ERBB4: variants seen among roughly 807,000 people sequenced by gnomAD.
ERBB4 encodes erb-b2 receptor tyrosine kinase 4.
ERBB4 carries 42 observed loss-of-function variants against 158.0 expected under a neutral mutation model. The ratio of observed to expected loss-of-function variants is 0.27; its 90% CI spans 0.21 to 0.34. ERBB4 has a LOEUF of 0.34. ERBB4 is among the 10% of genes least tolerant of loss of function. ERBB4 has a pLI of 1.00. For missense variants in ERBB4, 1,333 were observed against 1,624.1 expected, an observed-to-expected ratio of 0.82 and a Z score of 3.08; for synonymous variants, 583 against 558.7, an observed-to-expected ratio of 1.04 and a Z score of -0.61.
intron 1 of ERBB4, among the ~76,000 whole-genome samples, chr2:212,437,712 T>C (rs1405694063): frequency 6.6e-6 from 1 of 152,112 alleles, no homozygotes; most frequent in Non-Finnish European, 1.5e-5. Flanking sequence ...CTGTAGTGAC[T>C]TTCTGCCTTG....
In ERBB4 at chr2:211,719,584, G is replaced by A. The variant is rs912836714; in HGVS notation, c.883+2809C>T. Among the ~76,000 whole-genome samples, 7 of 152,118 alleles carry A rather than the reference G, an allele frequency of 4.6e-5. No individual in the cohort carries two copies. The East Asian group carries it at 5.8e-4, about 13-fold the overall frequency. On this transcript the variant is annotated intron_variant, in intron 7 of 27. Transcript: ENST00000342788. ...CAAGAAAGTGTTTTTGGCCAGGTGC[G>A]GTGGGTCACGTCTGTAATCCCAGCA...
chr2:212,441,341 G>A (rs971426425), intron 1 of ERBB4, among the ~76,000 whole-genome samples: 2 of 152,126 alleles, frequency 1.3e-5, no homozygotes, highest in African/African-American at 2.4e-5. Context: ...CCTGCTCTGC[G>A]GGAGGCAATG....
intron 19 of ERBB4, among the ~76,000 whole-genome samples, chr2:211,594,821 T>G (rs976303151): frequency 2.0e-5 from 3 of 151,832 alleles, no homozygotes; most frequent in African/African-American, 7.2e-5. Flanking sequence ...TTTCATTCCC[T>G]AAAGAAGGGC....
At chr2:212,521,312 TA>T (rs1692147477) in intron 1 of ERBB4, among the ~76,000 whole-genome samples, 1 of 151,706 alleles carries the variant, frequency 6.6e-6, no homozygotes, top group African/African-American at 2.4e-5. Flanking sequence ...AAAAACAGAA[TA>T]TGAAGAAAAA....
At chr2:211,692,673 C>T (rs559461410) in intron 12 of ERBB4, among the ~76,000 whole-genome samples, 64 of 152,236 alleles carry the variant, frequency 4.2e-4, no homozygotes, top group Non-Finnish European at 3.4e-4. Context: ...GGTAGTCAAA[C>T]CTCCCTCTAC....
rs540106797 is a variant in ERBB4 at position 212,068,876 on chromosome 2, G to A, written c.234+55876C>T. On this transcript the variant is annotated intron_variant, in intron 2 of 27. Transcript: ENST00000342788. The stretch of plus-strand genomic sequence containing the variant: ...ATAGGGATAGCAATTGGTAAATAAG[G>A]AAGGGAAAGTATCTATACACTTTTT... 2.6e-5 allele frequency among the ~76,000 whole-genome samples: 4 copies of A among 152,154 alleles called. No homozygotes were observed. The South Asian group carries it at 8.3e-4, about 32-fold the overall frequency.
At chr2:211,549,001 G>A (rs2067012549) in intron 20 of ERBB4, among the ~76,000 whole-genome samples, 1 of 151,928 alleles carries the variant, frequency 6.6e-6, no homozygotes, top group Non-Finnish European at 1.5e-5. Context: ...TTTCTTTTGG[G>A]TTCTTTTGGG....
At chr2:211,649,613 A>G (rs976835446) in intron 16 of ERBB4, among the ~76,000 whole-genome samples, 1 of 151,846 alleles carries the variant, frequency 6.6e-6, no homozygotes, top group African/African-American at 2.4e-5. Context: ...TCAACAAGTA[A>G]ATTTTTTATG....
chr2:212,461,663 A>G (rs1324384845), intron 1 of ERBB4, among the ~76,000 whole-genome samples: 1 of 152,156 alleles, frequency 6.6e-6, no homozygotes, highest in African/African-American at 2.4e-5. Flanking sequence ...TTGGGGAGGC[A>G]TAATTGGTTC....
chr2:211,412,903 G>T (rs1238784760), intron 25 of ERBB4, among the ~76,000 whole-genome samples: 1 of 147,080 alleles, frequency 6.8e-6, no homozygotes, highest in East Asian at 2.0e-4. Context: ...GCAATGAGCC[G>T]AGATCGCTCC....
intron 18 of ERBB4, among the ~76,000 whole-genome samples, chr2:211,621,129 A>G (rs191463216): frequency 9.3e-4 from 142 of 152,182 alleles, no homozygotes; most frequent in African/African-American, 2.9e-3. Flanking sequence ...ATAAATACAT[A>G]AATAAAATTA....
chr2:211,870,539 G>T (rs1310891112), intron 3 of ERBB4, among the ~76,000 whole-genome samples: 1 of 152,044 alleles, frequency 6.6e-6, no homozygotes, highest in Non-Finnish European at 1.5e-5. Flanking sequence ...GTTACTATAA[G>T]ATCAAAATTC....
At chr2:211,987,341 A>AAAAAAAAAAAAAAAAAAAAAG (rs1215048952) in intron 2 of ERBB4, among the ~76,000 whole-genome samples, 68 of 124,410 alleles carry the variant, frequency 5.5e-4, no homozygotes, top group Non-Finnish European at 7.9e-4. Context: ...AAAAAAAAAA[A>AAAAAAAAAAAAAAAAAAAAAG]AAAGAAAGAA....
At chr2:211,612,236 A>G (rs571338045) in intron 19 of ERBB4, among the ~76,000 whole-genome samples, 10 of 37,400 alleles carry the variant, frequency 2.7e-4, no homozygotes, top group African/African-American at 4.0e-4. Context: ...TAAAACATGG[A>G]AAAAAAAATC....
At chr2:211,502,049 C>A (rs2065629545) in intron 20 of ERBB4, among the ~76,000 whole-genome samples, 1 of 152,058 alleles carries the variant, frequency 6.6e-6, no homozygotes, top group African/African-American at 2.4e-5. Context: ...TGTTTTGGAT[C>A]CCTGCTTACA....
intron 20 of ERBB4, among the ~76,000 whole-genome samples, chr2:211,513,377 C>CAAACAAAAAA (rs1553554078): frequency 1.8e-5 from 1 of 55,746 alleles, no homozygotes; most frequent in African/African-American, 5.0e-5. Context: ...AAAAAAAAAA[C>CAAACAAAAAA]AAAAAAAAAA....
At chr2:211,925,462 AC>A (rs1360566023) in intron 3 of ERBB4, among the ~76,000 whole-genome samples, 1 of 143,518 alleles carries the variant, frequency 7.0e-6, no homozygotes, top group Non-Finnish European at 1.5e-5. Context: ...GCTCACTGCA[AC>A]CTCTGCCTTC....
At chr2:211,734,082 C>A (rs1364779505) in intron 5 of ERBB4, among the ~76,000 whole-genome samples, 3 of 151,590 alleles carry the variant, frequency 2.0e-5, no homozygotes, top group Admixed American at 6.6e-5. Context: ...AATTTTGTCT[C>A]AAAAATATTT....
chr2:212,182,033 T>C (rs1257718845), intron 1 of ERBB4, among the ~76,000 whole-genome samples: 1 of 151,782 alleles, frequency 6.6e-6, no homozygotes, highest in Non-Finnish European at 1.5e-5. Flanking sequence ...ACTATAATTA[T>C]AGATTCACAA....
Sources: gnomAD v4.1 joint callset for allele counts (sites outside exome capture counted in the v4.1 genomes callset) on GRCh38, gnomAD v4.1.1 for gene constraint, MANE v1.5 for transcripts, NCBI Gene and HGNC (gene_info 2026-07-23, HGNC 2026-07-21) for gene names.